SPATA17: variants seen among roughly 807,000 people sequenced by gnomAD.
The protein encoded by SPATA17 is spermatogenesis associated 17.
Under a neutral mutation model 62.2 loss-of-function variants are expected in SPATA17, and 53 were observed. The ratio of observed to expected loss-of-function variants is 0.85; its 90% CI spans 0.68 to 1.07. The LOEUF (loss-of-function observed/expected upper bound fraction) is 1.07, where lower values mean the gene tolerates loss of function less well. Ranked by LOEUF, SPATA17 falls within the 50% of genes least tolerant of loss-of-function variation. The pLI is 0.00. For missense variants in SPATA17, 466 were observed against 425.5 expected (o/e 1.10, Z -0.84); for synonymous variants, 146 against 146.8 (o/e 0.99, Z 0.04).
intron 9 of SPATA17, among the ~76,000 whole-genome samples, chr1:217,830,075 G>A (rs1344766230): frequency 1.3e-5 from 2 of 151,950 alleles, no homozygotes; most frequent in African/African-American, 2.4e-5. Context: ...ATTAAATATT[G>A]ATATTTAAAT....
chr1:217,667,134 G>A (rs111871077), intron 3 of SPATA17, among the ~76,000 whole-genome samples: 1,662 of 139,240 alleles, frequency 0.012, 26 homozygotes, highest in African/African-American at 0.036. Context: ...TGCAACCTCC[G>A]CCTCCCAGGT....
At chr1:217,666,792 T>C (rs114814444) in intron 3 of SPATA17, among the ~76,000 whole-genome samples, 6,790 of 152,248 alleles carry the variant, frequency 0.045, 231 homozygotes, top group Middle Eastern at 0.1. Flanking sequence ...TAGTACCTCA[T>C]GTAAGTGGAA....
intron 8 of SPATA17, among the ~76,000 whole-genome samples, chr1:217,793,039 C>T (rs757742105): frequency 2.0e-4 from 31 of 152,018 alleles, no homozygotes; most frequent in Non-Finnish European, 4.1e-4. Context: ...CCATAGTGAA[C>T]ATTTGAAAAC....
chr1:217,783,093 G>A (rs1323664159), intron 8 of SPATA17, among the ~76,000 whole-genome samples: 2 of 149,538 alleles, frequency 1.3e-5, no homozygotes, highest in Admixed American at 1.3e-4. Flanking sequence ...TGATAATATT[G>A]GTATACTATA....
intron 6 of SPATA17, 133 bp downstream of exon 6, chr1:217,742,231 G>A: frequency 4.1e-6 from 5 of 1,223,680 alleles, no homozygotes; most frequent in Non-Finnish European, 5.7e-6. Context: ...GTTCAATTTC[G>A]TGCTTCTGTG....
intron 9 of SPATA17, among the ~76,000 whole-genome samples, chr1:217,859,135 AT>A (rs1675844217): frequency 8.5e-6 from 1 of 117,654 alleles, no homozygotes; most frequent in South Asian, 2.6e-4. Flanking sequence ...TTTATATATA[AT>A]TAAAACATAA....
At chr1:217,760,099 G>T (rs1327214207) in intron 6 of SPATA17, among the ~76,000 whole-genome samples, 2 of 152,088 alleles carry the variant, frequency 1.3e-5, no homozygotes, top group African/African-American at 4.8e-5. Context: ...TTACAGATTG[G>T]TTTTTCGATC....
At chr1:217,711,028 G>A (rs187209232) in intron 5 of SPATA17, among the ~76,000 whole-genome samples, 167 of 152,226 alleles carry the variant, frequency 1.1e-3, no homozygotes, top group African/African-American at 3.5e-3. Context: ...ACATTTCATC[G>A]TATGAATAAA....
At chr1:217,821,722 T>C (rs1674866972) in intron 9 of SPATA17, among the ~76,000 whole-genome samples, 1 of 152,128 alleles carries the variant, frequency 6.6e-6, no homozygotes, top group African/African-American at 2.4e-5. Context: ...TTAATTATGC[T>C]GTTATGTGGA....
intron 6 of SPATA17, among the ~76,000 whole-genome samples, chr1:217,760,655 A>G (rs1246643907): frequency 6.6e-6 from 1 of 152,212 alleles, no homozygotes; most frequent in Admixed American, 6.5e-5. Flanking sequence ...AGAATCCCAT[A>G]TAACACTAGA....
intron 3 of SPATA17, among the ~76,000 whole-genome samples, chr1:217,654,098 C>A (rs1440337759): frequency 6.6e-6 from 1 of 151,256 alleles, no homozygotes; most frequent in African/African-American, 2.4e-5. Flanking sequence ...TCTTTCTTTC[C>A]AATTTTGACA....
intron 9 of SPATA17, among the ~76,000 whole-genome samples, chr1:217,851,389 GC>G (rs1297780620): frequency 6.6e-6 from 1 of 151,732 alleles, no homozygotes; most frequent in Non-Finnish European, 1.5e-5. Flanking sequence ...CCCAGATGGG[GC>G]TACTAGATTA....
chr1:217,864,848 A>G (rs1407361962), intron 10 of SPATA17, among the ~76,000 whole-genome samples: 1 of 152,178 alleles, frequency 6.6e-6, no homozygotes, highest in Admixed American at 6.6e-5. Flanking sequence ...TGAAATAATT[A>G]CTTGCTAAAT....
At chr1:217,655,310 TTC>T (rs1447975036) in intron 3 of SPATA17, among the ~76,000 whole-genome samples, 2 of 152,196 alleles carry the variant, frequency 1.3e-5, no homozygotes, top group Non-Finnish European at 2.9e-5. Context: ...TTGCTAGTGT[TTC>T]TTCAGTGTTG....
At chr1:217,678,074 C>T (rs181544341) in intron 4 of SPATA17, among the ~76,000 whole-genome samples, 1 of 152,090 alleles carries the variant, frequency 6.6e-6, no homozygotes, top group South Asian at 2.1e-4. Flanking sequence ...GAATGTTGAT[C>T]ATTCTAATAA....
At chr1:217,778,469 C>T (rs574527837) in intron 7 of SPATA17, among the ~76,000 whole-genome samples, 4 of 151,720 alleles carry the variant, frequency 2.6e-5, no homozygotes, top group Admixed American at 6.6e-5. Context: ...TGCAGTGAGC[C>T]GAGATCACAC....
intron 5 of SPATA17, among the ~76,000 whole-genome samples, chr1:217,737,411 C>T (rs1474950272): frequency 2.0e-5 from 3 of 152,140 alleles, no homozygotes; most frequent in Non-Finnish European, 4.4e-5. Context: ...AAACAACTCT[C>T]AGACAGTGAT....
At chr1:217,698,218 C>A (rs1180210727) in intron 5 of SPATA17, among the ~76,000 whole-genome samples, 1 of 152,076 alleles carries the variant, frequency 6.6e-6, no homozygotes, top group African/African-American at 2.4e-5. Context: ...GCGGGCAGAT[C>A]ACCTTGGGAG....
intron 8 of SPATA17, 105 bp downstream of exon 8, chr1:217,782,427 A>G: frequency 1.6e-6 from 2 of 1,288,578 alleles, no homozygotes; most frequent in Non-Finnish European, 2.1e-6. Context: ...TTGTGAGAAA[A>G]GGTAAAGCCA....
Sources: gnomAD v4.1 joint callset for allele counts (sites outside exome capture counted in the v4.1 genomes callset) on GRCh38, gnomAD v4.1.1 for gene constraint, MANE v1.5 for transcripts, NCBI Gene and HGNC (gene_info 2026-07-23, HGNC 2026-07-21) for gene names.